The following CEP68 variants were observed in gnomAD, a reference collection of about 807,000 sequenced individuals.
The protein encoded by CEP68 is centrosomal protein 68.
Under a neutral mutation model 55.3 loss-of-function variants are expected in CEP68, and 26 were observed. The ratio of observed to expected loss-of-function variants is 0.47; its 90% CI spans 0.34 to 0.65. The LOEUF (loss-of-function observed/expected upper bound fraction) is 0.65, where lower values mean the gene tolerates loss of function less well. Among genes scored for constraint, CEP68 ranks in the 30% least tolerant of loss-of-function variants. The pLI is 0.01. For missense variants in CEP68, 957 were observed against 946.7 expected (o/e 1.01, Z -0.14); for synonymous variants, 402 against 383.2 (o/e 1.05, Z -0.57).
At chr2:65,067,879 A>G (rs559810720) in intron 1 of CEP68, among the ~76,000 whole-genome samples, 11 of 152,282 alleles carry the variant, frequency 7.2e-5, no homozygotes, top group African/African-American at 1.2e-4. Flanking sequence ...ATCAGGCTGG[A>G]GCCTGGCATG....
intron 1 of CEP68, among the ~76,000 whole-genome samples, chr2:65,064,583 A>T (rs1676067208): frequency 6.6e-6 from 1 of 152,038 alleles, no homozygotes; most frequent in African/African-American, 2.4e-5. Flanking sequence ...AAATACAAAA[A>T]ATTAGCTGGG....
chr2:65,071,725 A>C lies in CEP68; in HGVS notation c.629A>C (p.His210Pro), dbSNP rs1676473228. The change falls in exon 3 of 7, where the codon CAC becomes CCC. Residue 210 changes from histidine (H) to proline (P), a missense_variant. Transcript: ENST00000377990. ...TCCACAGGCAGCAGTCTCCAGGGTC[A>C]CCAGGAGAGGGCGGAGCCTCGTGGT... ...ASSTGSSLQG[H>P]QERAEPRGGS... 1.9e-6 allele frequency: 3 copies of C among 1,613,920 alleles called. No homozygotes were observed. The highest frequency in any genetic ancestry group is 2.5e-6 in the Non-Finnish European group (3 of 1,180,032).
chr2:65,086,551 T>C lies in CEP68; in HGVS notation c.*2917T>C, dbSNP rs770993715. ...TTTTCCAAACTTAAGTCTGTAAATA[T>C]GCTCATCTTAAGTTCATGTAATGTT... is the stretch of plus-strand genomic sequence containing the variant. On this transcript the variant is annotated 3_prime_UTR_variant, in exon 7 of 7. Transcript: ENST00000377990. 1.3e-5 allele frequency: 2 copies of C among 152,236 alleles called. No individual in the cohort carries two copies. The highest frequency in any genetic ancestry group is 2.9e-5 in the Non-Finnish European group (2 of 68,028). The allele number at this position is 152,236 out of a possible 1,614,324, so 9.4% of individuals were successfully genotyped here. A position where few individuals can be genotyped will look rare whatever the true frequency, so the allele number is the denominator to read the frequency against.
At chr2:65,066,808 C>T (rs1185595765) in intron 1 of CEP68, among the ~76,000 whole-genome samples, 3 of 144,698 alleles carry the variant, frequency 2.1e-5, no homozygotes, top group Middle Eastern at 3.6e-3. Context: ...GTGGCACATG[C>T]CTGTAATCCC....
At chr2:65,071,148 T>A (rs2723087) in intron 2 of CEP68, 146,702 of 396,542 alleles carry the variant, frequency 0.37, 28,191 homozygotes, top group African/African-American at 0.46. Flanking sequence ...AAGGGACTGT[T>A]TTCCAGCTTC....
Position 65,069,487 on chromosome 2 carries a change from G to T in CEP68, c.43G>T (p.Asp15Tyr). The change falls in exon 2 of 7, where the codon GAC becomes TAC. Residue 15 changes from aspartate to tyrosine, a missense_variant. Transcript: ENST00000377990. ...EEKAEAEASEDTKAQSYGRGS... is the reference protein window; with the variant it reads ...EEKAEAEASEYTKAQSYGRGS... ...AAAGGCAGAAGCGGAAGCATCTGAA[G>T]ACACAAAGGCCCAGTCCTATGGGAG... 3.3e-6 allele frequency: 5 copies of T among 1,532,198 alleles called. No individual in the cohort carries two copies. The highest frequency in any genetic ancestry group is 2.6e-6 in the Non-Finnish European group (3 of 1,139,354). The allele number at this position is 1,532,198 out of a possible 1,614,324, so 94.9% of individuals were successfully genotyped here. A position where few individuals can be genotyped will look rare whatever the true frequency, so the allele number is the denominator to read the frequency against.
intron 1 of CEP68, among the ~76,000 whole-genome samples, chr2:65,064,949 C>G (rs933550878): frequency 9.9e-5 from 15 of 152,282 alleles, no homozygotes; most frequent in African/African-American, 3.4e-4. Context: ...AGATTTGTCA[C>G]TCTTCTCTTT....
intron 5 of CEP68, among the ~76,000 whole-genome samples, chr2:65,078,513 G>A (rs1029405234): frequency 2.0e-5 from 3 of 152,150 alleles, no homozygotes; most frequent in African/African-American, 4.8e-5. Context: ...TGGCAGTAGT[G>A]TGCAAACCAA....
intron 1 of CEP68, among the ~76,000 whole-genome samples, chr2:65,066,141 C>G (rs1254760028): frequency 6.6e-6 from 1 of 152,146 alleles, no homozygotes; most frequent in African/African-American, 2.4e-5. Context: ...ACCATGTAGT[C>G]AGCCCCATTC....
At chr2:65,078,350 C>G (rs1292514821) in intron 5 of CEP68, among the ~76,000 whole-genome samples, 1 of 152,026 alleles carries the variant, frequency 6.6e-6, no homozygotes, top group Non-Finnish European at 1.5e-5. Context: ...CTTACCTAGC[C>G]CAGGTTGAAT....
At chr2:65,062,532 CAAA>C (rs10700779) in intron 1 of CEP68, among the ~76,000 whole-genome samples, 5 of 66,306 alleles carry the variant, frequency 7.5e-5, no homozygotes, top group Admixed American at 1.9e-4. Flanking sequence ...GACTCCATCT[CAAA>C]AAAAAAAAAA....
rs747933628 is a variant in CEP68, at chr2:65,071,786, G to A, written c.690G>A (p.Pro230=). 2.2e-5 allele frequency: 35 copies of A among 1,611,304 alleles called. No individual in the cohort carries two copies. The highest frequency in any genetic ancestry group is 5.0e-5 in the Admixed American group (3 of 59,892). The change falls in exon 3 of 7, where the codon CCG becomes CCA. Residue 230 remains proline, a synonymous_variant. Coordinates refer to ENST00000377990, the MANE Select transcript of CEP68 (RefSeq NM_015147.3). ...CCAAGGTCTCCTCCTCCCTGGAGCC[G>A]GTCGTCCCCCAGGAACCTTCCTCTG... ...SLAKVSSSLE[P]VVPQEPSSVV...
rs70943620 is a variant in CEP68, at chr2:65,066,745, A to AAAAATATATAT, written c.-46-2653_-46-2652insAAATATATATA. On this transcript the variant is annotated intron_variant, in intron 1 of 6. Transcript: ENST00000377990. ...CTGTCTCAAAAAAAAAAAAAAAAAA[A>AAAAATATATAT]ATATATATATATATATATATATACA... Among the ~76,000 whole-genome samples the AAAAATATATAT allele has an allele frequency of 7.1e-3, 415 of 58,154 alleles. 2 individuals are homozygous for AAAAATATATAT. The highest frequency in any genetic ancestry group is 0.033 in the Middle Eastern group (2 of 60). The allele number at this position is 58,154 out of a possible 152,430, so 38.2% of individuals were successfully genotyped here. A position where few individuals can be genotyped will look rare whatever the true frequency, so the allele number is the denominator to read the frequency against.
intron 3 of CEP68, chr2:65,073,189 GT>G: frequency 1.5e-6 from 1 of 648,020 alleles, no homozygotes; most frequent in Non-Finnish European, 2.8e-6. Flanking sequence ...GCAGAGAGAG[GT>G]TAGGTAACGT....
In CEP68 at chr2:65,082,527, CATT is replaced by C. The variant is rs759350706; in HGVS notation, c.2105-8_2105-6del. On this transcript the variant is annotated splice_region_variant and splice_polypyrimidine_tract_variant and intron_variant, in intron 5 of 6. Transcript: ENST00000377990. ...TTTCTGGTTTAATTTCTTTGAACCT[CATT>C]GTTAGTTTTAGAGGATGTCCTTGGG... is the stretch of plus-strand genomic sequence containing the variant. 1.5e-5 allele frequency: 23 copies of C among 1,524,220 alleles called. No individual in the cohort carries two copies. The highest frequency in any genetic ancestry group is 2.3e-5 in the Admixed American group (1 of 43,074). The allele number at this position is 1,524,220 out of a possible 1,614,324, so 94.4% of individuals were successfully genotyped here.
In CEP68 at chr2:65,071,444, A is replaced by G. The variant is rs758311433; in HGVS notation, c.358-10A>G. On this transcript the variant is annotated splice_polypyrimidine_tract_variant and intron_variant, in intron 2 of 6. Coordinates refer to ENST00000377990, the MANE Select transcript of CEP68 (RefSeq NM_015147.3). ...TACCCAAGTGCTTTTTGTCCCTTTGATCATTGCAGGTGGAGAAGACCAAGC... is the reference window on the plus strand; with the variant it reads ...TACCCAAGTGCTTTTTGTCCCTTTGGTCATTGCAGGTGGAGAAGACCAAGC... 21 of 1,608,660 alleles carry G rather than the reference A, an allele frequency of 1.3e-5. No homozygotes were observed. In the South Asian group the frequency reaches 1.7e-4, roughly 13 times the overall value.
chr2:65,077,139 G>A (rs1337258489), intron 4 of CEP68, among the ~76,000 whole-genome samples: 2 of 151,626 alleles, frequency 1.3e-5, no homozygotes, highest in African/African-American at 2.4e-5. Flanking sequence ...GGGATTACAG[G>A]CATGCACCAC....
At chr2:65,064,558 C>A (rs1326463024) in intron 1 of CEP68, among the ~76,000 whole-genome samples, 3 of 152,016 alleles carry the variant, frequency 2.0e-5, no homozygotes, top group Admixed American at 6.5e-5. Context: ...TGTGGTGAAA[C>A]CCCATCTCTA....
chr2:65,071,175 C>T (rs987637787), intron 2 of CEP68: 1 of 472,828 alleles, frequency 2.1e-6, no homozygotes, highest in Non-Finnish European at 3.8e-6. Flanking sequence ...ACAGAGCTGT[C>T]TGAGTTCTGC....
Sources: allele counts gnomAD v4.1 joint callset (sites outside exome capture counted in the v4.1 genomes callset), GRCh38; gene constraint gnomAD v4.1.1; transcripts MANE v1.5; gene names NCBI Gene and HGNC (gene_info 2026-07-23, HGNC 2026-07-21).